ARHGAP10: variants seen among roughly 807,000 people sequenced by gnomAD.
ARHGAP10 encodes the protein rho GTPase-activating protein 10.
ARHGAP10 carries 87 observed loss-of-function variants against 108.6 expected under a neutral mutation model. The observed-to-expected ratio is 0.80, with a 90% CI of 0.67 to 0.96. The LOEUF (loss-of-function observed/expected upper bound fraction) is 0.96, where lower values mean the gene tolerates loss of function less well. ARHGAP10 is among the 40% of genes least tolerant of loss of function. The probability of loss-of-function intolerance (pLI) is 0.00; values close to 1 mark genes in which losing one functional copy is unlikely to be tolerated. For synonymous variants in ARHGAP10, 347 were observed against 341.1 expected (o/e 1.02, Z -0.19); for missense variants, 939 against 954.5 (o/e 0.98, Z 0.21).
At chr4:147,896,231 T>C (rs1003123731) in intron 10 of ARHGAP10, among the ~76,000 whole-genome samples, 9 of 152,236 alleles carry the variant, frequency 5.9e-5, no homozygotes, top group African/African-American at 2.2e-4. Flanking sequence ...TACAGAAGAA[T>C]TGGGAAGTTT....
chr4:148,013,708 C>T (rs1161656698), intron 18 of ARHGAP10, among the ~76,000 whole-genome samples: 1 of 152,036 alleles, frequency 6.6e-6, no homozygotes, highest in East Asian at 1.9e-4. Flanking sequence ...AAAAGTTACT[C>T]TAGCCTACCC....
chr4:147,734,689 C>T (rs1040247921), intron 1 of ARHGAP10, among the ~76,000 whole-genome samples: 26 of 152,070 alleles, frequency 1.7e-4, no homozygotes, highest in African/African-American at 5.8e-4. Context: ...TTGCGTCCAA[C>T]TTCCCCTGTC....
rs1466583746 is a variant in ARHGAP10 at position 148,059,985 on chromosome 4, AGAGAGAGAGGGGAGAGAGAG to A, written c.2028-3153_2028-3134del. Among the ~76,000 whole-genome samples, 548 of 143,834 alleles carry A rather than the reference AGAGAGAGAGGGGAGAGAGAG, an allele frequency of 3.8e-3. 10 individuals carry two copies. Among genetic ancestry groups the A allele is most frequent in the East Asian group, 9.2e-3 (43 of 4,688 alleles). 94.4% of individuals were successfully genotyped at this position (143,834 alleles called of 152,430 possible). On this transcript the variant is annotated intron_variant, in intron 20 of 22. Coordinates refer to ENST00000336498, the MANE Select transcript of ARHGAP10 (RefSeq NM_024605.4). ...AAAGCCCACTCTTTGAGAGAGAGAGAGAGAGAGAGGGGAGAGAGAGGAGAGAGAGAGGGGAGAGAGACGAG... is the reference window on the plus strand; with the variant it reads ...AAAGCCCACTCTTTGAGAGAGAGAGAGAGAGAGAGAGGGGAGAGAGACGAG...
chr4:147,903,061 A>G (rs1475660691), intron 10 of ARHGAP10, among the ~76,000 whole-genome samples: 1 of 152,138 alleles, frequency 6.6e-6, no homozygotes, highest in East Asian at 1.9e-4. Flanking sequence ...CAACTTTGGG[A>G]ATTGTAAATG....
intron 1 of ARHGAP10, among the ~76,000 whole-genome samples, chr4:147,739,200 A>G (rs1246938397): frequency 6.6e-6 from 1 of 151,940 alleles, no homozygotes; most frequent in Admixed American, 6.6e-5. Context: ...AAAAAAAAAA[A>G]AAAGAAAAGA....
intron 18 of ARHGAP10, among the ~76,000 whole-genome samples, chr4:148,015,522 AC>A (rs1432525844): frequency 1.3e-5 from 2 of 152,192 alleles, no homozygotes; most frequent in African/African-American, 4.8e-5. Context: ...TCAAGCCTGA[AC>A]CCGACTGGTA....
chr4:147,911,577 T>C (rs375538995), intron 12 of ARHGAP10, among the ~76,000 whole-genome samples: 100 of 152,312 alleles, frequency 6.6e-4, no homozygotes, highest in African/African-American at 2.3e-3. Context: ...TTAGCCAGGA[T>C]GGTCTTGATC....
In ARHGAP10 at chr4:148,059,975, AGAGAGAGAGAGAGAGAGAG is replaced by A. The variant is rs1729533665; in HGVS notation, c.2028-3171_2028-3153del. On this transcript the variant is annotated intron_variant, in intron 20 of 22. Transcript: ENST00000336498. ...TATGATGGGTAAAGCCCACTCTTTGAGAGAGAGAGAGAGAGAGAGGGGAGAGAGAGGAGAGAGAGAGGGG... is the reference window on the plus strand; with the variant it reads ...TATGATGGGTAAAGCCCACTCTTTGAGGGAGAGAGAGGAGAGAGAGAGGGG... Among the ~76,000 whole-genome samples the A allele has an allele frequency of 2.1e-5, 3 of 139,712 alleles. No homozygotes were observed. The Admixed American group carries it at 2.3e-4, about 11-fold the overall frequency. 91.7% of individuals were successfully genotyped at this position (139,712 alleles called of 152,430 possible).
chr4:147,842,954 T>C (rs1446156314), intron 3 of ARHGAP10, among the ~76,000 whole-genome samples: 6 of 152,252 alleles, frequency 3.9e-5, no homozygotes, highest in Admixed American at 3.9e-4. Flanking sequence ...GTCTCATTTG[T>C]AATGATTCTT....
At chr4:148,007,021 A>G (rs1578784052) in intron 18 of ARHGAP10, among the ~76,000 whole-genome samples, 1 of 152,214 alleles carries the variant, frequency 6.6e-6, no homozygotes, top group South Asian at 2.1e-4. Context: ...AGGATGTAGA[A>G]AAATTAGACG....
rs528773246 is a variant in ARHGAP10, at chr4:147,952,249, G to A, written c.1392-3067G>A. 2.2e-3 allele frequency among the ~76,000 whole-genome samples: 337 copies of A among 152,276 alleles called. 2 individuals are homozygous for A. Among genetic ancestry groups the A allele is most frequent in the African/African-American group, 7.8e-3 (324 of 41,564 alleles). On this transcript the variant is annotated intron_variant, in intron 15 of 22. Coordinates refer to ENST00000336498, the MANE Select transcript of ARHGAP10 (RefSeq NM_024605.4). ...GTATACCTATATTTGAGTGGACGCA[G>A]GCTTTCATTTCTCTTGGATAAATCC...
At chr4:148,036,066 C>CTGTGTG (rs61692055) in intron 19 of ARHGAP10, among the ~76,000 whole-genome samples, 3,497 of 142,840 alleles carry the variant, frequency 0.024, 57 homozygotes, top group African/African-American at 0.041. Context: ...GGAGCTGCCT[C>CTGTGTG]TGTGTGTGTG....
At chr4:147,907,917 A>G (rs1736568828) in intron 11 of ARHGAP10, among the ~76,000 whole-genome samples, 1 of 152,144 alleles carries the variant, frequency 6.6e-6, no homozygotes, top group Non-Finnish European at 1.5e-5. Flanking sequence ...ACCTTGGCTC[A>G]CTGCAACCTC....
chr4:148,018,573 A>C (rs777768671), intron 18 of ARHGAP10, among the ~76,000 whole-genome samples: 4 of 124,540 alleles, frequency 3.2e-5, no homozygotes, highest in Non-Finnish European at 6.9e-5. Flanking sequence ...TTGTATCCAC[A>C]AAAAAAAAAA....
At chr4:147,913,213 T>C (rs1484864544) in intron 13 of ARHGAP10, 74 bp downstream of exon 13, 2 of 1,373,354 alleles carry the variant, frequency 1.5e-6, no homozygotes. Flanking sequence ...AAAATACTTC[T>C]TGCTTTTAAG....
At chr4:147,829,045 AT>A (rs1279038358) in intron 3 of ARHGAP10, among the ~76,000 whole-genome samples, 2 of 63,918 alleles carry the variant, frequency 3.1e-5, no homozygotes, top group South Asian at 9.7e-4. Flanking sequence ...TGCCTGGCTA[AT>A]TTTTTTGTAT....
intron 13 of ARHGAP10, among the ~76,000 whole-genome samples, chr4:147,914,631 G>C (rs1450737800): frequency 1.7e-5 from 2 of 117,678 alleles, no homozygotes; most frequent in African/African-American, 6.4e-5. Context: ...ATAGTCTTTT[G>C]ACTCTGGCTT....
intron 13 of ARHGAP10, among the ~76,000 whole-genome samples, chr4:147,939,340 C>G (rs542378754): frequency 1.3e-5 from 2 of 152,200 alleles, no homozygotes; most frequent in African/African-American, 4.8e-5. Context: ...CTGGACAGGA[C>G]ATGTAACAAC....
chr4:147,733,115 C>T (rs978293460), intron 1 of ARHGAP10, among the ~76,000 whole-genome samples: 1 of 152,118 alleles, frequency 6.6e-6, no homozygotes, highest in Admixed American at 6.6e-5. Flanking sequence ...GACAGCCTGC[C>T]CTCTAGCCTA....
Sources: allele counts gnomAD v4.1 joint callset (sites outside exome capture counted in the v4.1 genomes callset), GRCh38; gene constraint gnomAD v4.1.1; transcripts MANE v1.5; gene names NCBI Gene and HGNC (gene_info 2026-07-23, HGNC 2026-07-21).